Variants in LRRC4C observed in about 807,000 individuals in gnomAD.
The protein encoded by LRRC4C is leucine rich repeat containing 4C.
In LRRC4C, 5 loss-of-function variants were observed where a neutral mutation model predicts 33.6. The observed-to-expected ratio is 0.15, with a 90% CI of 0.08 to 0.31. LRRC4C has a LOEUF of 0.31. LRRC4C is among the 10% of genes least tolerant of loss of function. LRRC4C has a pLI of 1.00. For synonymous variants in LRRC4C, 329 were observed against 302.0 expected, an observed-to-expected ratio of 1.09 and a Z score of -0.93; for missense variants, 560 against 796.7, an observed-to-expected ratio of 0.70 and a Z score of 3.58.
chr11:40,953,107 G>A (rs796794573), intron 1 of LRRC4C, among the ~76,000 whole-genome samples: 39 of 151,820 alleles, frequency 2.6e-4, no homozygotes, highest in African/African-American at 8.2e-4. Flanking sequence ...CTTCCTTAAC[G>A]TCTAATGATT....
intron 4 of LRRC4C, among the ~76,000 whole-genome samples, chr11:40,283,082 C>T (rs144750324): frequency 3.9e-5 from 6 of 152,312 alleles, no homozygotes; most frequent in African/African-American, 1.4e-4. Flanking sequence ...ACTGCAAGGA[C>T]CACCTTGATT....
At chr11:40,210,516 T>C (rs1863516103) in intron 5 of LRRC4C, among the ~76,000 whole-genome samples, 2 of 152,164 alleles carry the variant, frequency 1.3e-5, no homozygotes, top group Non-Finnish European at 2.9e-5. Flanking sequence ...TTGCTTTACC[T>C]GCTGCAGGAT....
intron 1 of LRRC4C, among the ~76,000 whole-genome samples, chr11:41,301,930 CACT>C (rs550315894): frequency 1.0e-3 from 157 of 152,236 alleles, no homozygotes; most frequent in East Asian, 4.6e-3. Context: ...TATTTACTTC[CACT>C]ACTTTTACTC....
chr11:41,153,365 G>A (rs1444901117), intron 1 of LRRC4C, among the ~76,000 whole-genome samples: 1 of 152,064 alleles, frequency 6.6e-6, no homozygotes, highest in African/African-American at 2.4e-5. Flanking sequence ...CACAGTACAT[G>A]ACTCACACTG....
chr11:40,930,238 C>T (rs1305366754), intron 2 of LRRC4C, among the ~76,000 whole-genome samples: 1 of 152,126 alleles, frequency 6.6e-6, no homozygotes, highest in East Asian at 1.9e-4. Flanking sequence ...CTGAGGAATC[C>T]AGCCAGTCTG....
intron 1 of LRRC4C, among the ~76,000 whole-genome samples, chr11:41,217,934 C>T (rs934448066): frequency 2.4e-4 from 37 of 152,198 alleles, no homozygotes; most frequent in Middle Eastern, 3.4e-3. Context: ...AAAAATAATC[C>T]TAGCACACAT....
chr11:40,817,432 T>A (rs916867852), intron 2 of LRRC4C, among the ~76,000 whole-genome samples: 1 of 152,164 alleles, frequency 6.6e-6, no homozygotes, highest in Non-Finnish European at 1.5e-5. Context: ...AGGACCCTGA[T>A]AGATATGATG....
intron 1 of LRRC4C, among the ~76,000 whole-genome samples, chr11:40,985,297 T>A (rs1047033304): frequency 1.3e-5 from 2 of 152,162 alleles, no homozygotes; most frequent in African/African-American, 2.4e-5. Flanking sequence ...TATGGGTTTT[T>A]CTTCCGCTGA....
intron 1 of LRRC4C, among the ~76,000 whole-genome samples, chr11:41,218,323 T>C (rs1287431873): frequency 1.3e-5 from 2 of 152,204 alleles, no homozygotes; most frequent in African/African-American, 4.8e-5. Context: ...ATCTATGGTT[T>C]ACTGGGGAAA....
At chr11:40,751,835 C>T (rs1948703302) in intron 2 of LRRC4C, among the ~76,000 whole-genome samples, 1 of 152,104 alleles carries the variant, frequency 6.6e-6, no homozygotes, top group Non-Finnish European at 1.5e-5. Context: ...AAAGGTATCA[C>T]ACTATCTGAT....
chr11:41,440,057 T>C (rs1955563973), intron 1 of LRRC4C, among the ~76,000 whole-genome samples: 1 of 152,208 alleles, frequency 6.6e-6, no homozygotes, highest in Admixed American at 6.5e-5. Flanking sequence ...GTAAATTCTT[T>C]GCCTAGGCCA....
chr11:41,206,492 C>A (rs1946607166), intron 1 of LRRC4C, among the ~76,000 whole-genome samples: 1 of 152,154 alleles, frequency 6.6e-6, no homozygotes, highest in Non-Finnish European at 1.5e-5. Context: ...TCAAAAAAAT[C>A]ACCTTGAAGA....
At chr11:40,967,034 C>T (rs1592212679) in intron 1 of LRRC4C, among the ~76,000 whole-genome samples, 2 of 152,046 alleles carry the variant, frequency 1.3e-5, no homozygotes. Flanking sequence ...GGGAGAGCTT[C>T]CTGAAAGAGG....
intron 3 of LRRC4C, among the ~76,000 whole-genome samples, chr11:40,586,536 T>C (rs1958755022): frequency 6.7e-6 from 1 of 148,896 alleles, no homozygotes; most frequent in Admixed American, 6.8e-5. Flanking sequence ...GTTTTAGACA[T>C]GAAGTCCTTG....
chr11:40,703,308 T>C (rs543085023), intron 2 of LRRC4C, among the ~76,000 whole-genome samples: 2 of 152,230 alleles, frequency 1.3e-5, no homozygotes, highest in African/African-American at 4.8e-5. Flanking sequence ...AAGTCTAAAT[T>C]CAAAGAAATG....
At chr11:41,277,956 C>T (rs1949536413) in intron 1 of LRRC4C, among the ~76,000 whole-genome samples, 1 of 151,776 alleles carries the variant, frequency 6.6e-6, no homozygotes, top group African/African-American at 2.4e-5. Context: ...AACGCGTGAT[C>T]CCATTGATGT....
At chr11:41,392,935 G>A (rs1328791373) in intron 1 of LRRC4C, among the ~76,000 whole-genome samples, 1 of 151,794 alleles carries the variant, frequency 6.6e-6, no homozygotes, top group Non-Finnish European at 1.5e-5. Flanking sequence ...GCAGTCCTAG[G>A]AGATAGGATT....
At chr11:40,927,825 AG>A (rs1406526624) in intron 2 of LRRC4C, among the ~76,000 whole-genome samples, 4 of 152,212 alleles carry the variant, frequency 2.6e-5, no homozygotes, top group African/African-American at 4.8e-5. Flanking sequence ...TAGTTCACTT[AG>A]GTGTTTCACA....
intron 1 of LRRC4C, among the ~76,000 whole-genome samples, chr11:41,305,505 G>A (rs1477057931): frequency 1.3e-4 from 6 of 47,934 alleles, no homozygotes; most frequent in African/African-American, 1.9e-4. Flanking sequence ...GATGGTTGCC[G>A]TGTCTGTGTA....
Sources: allele counts gnomAD v4.1 joint callset (sites outside exome capture counted in the v4.1 genomes callset), GRCh38; gene constraint gnomAD v4.1.1; transcripts MANE v1.5; gene names NCBI Gene and HGNC (gene_info 2026-07-23, HGNC 2026-07-21).